The following AKAP7 variants were observed in gnomAD, a reference collection of about 807,000 sequenced individuals.
The protein encoded by AKAP7 is A kinase (PRKA) anchor protein 7.
In AKAP7, 39 loss-of-function variants were observed where a neutral mutation model predicts 39.5. The ratio of observed to expected loss-of-function variants is 0.99; its 90% confidence interval spans 0.76 to 1.29. AKAP7 has a LOEUF of 1.29. Ranked by LOEUF, AKAP7 falls within the 50% of genes most tolerant of loss-of-function variation. The pLI is 0.00. For synonymous variants in AKAP7, 140 were observed against 139.1 expected (o/e 1.01, Z -0.05); for missense variants, 414 against 407.7 (o/e 1.02, Z -0.13).
intron 7 of AKAP7, among the ~76,000 whole-genome samples, chr6:131,264,043 T>C (rs1252099620): frequency 6.6e-6 from 1 of 152,220 alleles, no homozygotes; most frequent in Non-Finnish European, 1.5e-5. Flanking sequence ...TCCTGATTTT[T>C]ACTGAGAGTG....
intron 4 of AKAP7, among the ~76,000 whole-genome samples, chr6:131,168,443 A>G (rs1803711101): frequency 6.6e-6 from 1 of 151,994 alleles, no homozygotes; most frequent in African/African-American, 2.4e-5. Flanking sequence ...AAGGAGACAG[A>G]AAGAGAGAGA....
chr6:131,135,768 A>C lies in AKAP7; in HGVS notation c.5A>C (p.Glu2Ala). 1 of 1,228,838 alleles carries C rather than the reference A, an allele frequency of 8.1e-7. No homozygotes were observed. Among genetic ancestry groups the C allele is most frequent in the Non-Finnish European group, 1.0e-6 (1 of 987,208 alleles). The allele number at this position is 1,228,838 out of a possible 1,614,324, so 76.1% of individuals were successfully genotyped here. A position where few individuals can be genotyped will look rare whatever the true frequency, so the allele number is the denominator to read the frequency against. ...CCGCCCGCATGCGCCGCGACCATGG[A>C]GCGCCCCGAAGCGGGTGAGACCGGG... Reference protein sequence around the residue: MERPEAGGINSN... With the variant: MARPEAGGINSN... The change falls in exon 1 of 8, where the codon GAG (glutamate) becomes GCG (alanine). Residue 2 changes from glutamate (E) to alanine (A), a missense_variant. By Grantham distance (107) the Glu-to-Ala change is moderately radical. Transcript: ENST00000431975.
chr6:131,184,942 A>G, intron 5 of AKAP7: 1 of 808,814 alleles, frequency 1.2e-6, no homozygotes, highest in South Asian at 1.3e-5. Flanking sequence ...TTACCCTTGG[A>G]TTACCCCTTT....
intron 7 of AKAP7, among the ~76,000 whole-genome samples, chr6:131,240,968 G>A (rs1185981982): frequency 2.0e-5 from 3 of 152,172 alleles, no homozygotes; most frequent in Non-Finnish European, 2.9e-5. Flanking sequence ...GATGAACCCA[G>A]TTCCTCAGTT....
At chr6:131,137,883 T>C (rs559354485) in intron 1 of AKAP7, 5 of 152,366 alleles carry the variant, frequency 3.3e-5, no homozygotes, top group African/African-American at 9.6e-5. Flanking sequence ...ACAAGCAGTT[T>C]ATACTGTTTA....
chr6:131,247,296 TA>T, intron 7 of AKAP7, among the ~76,000 whole-genome samples: 2 of 126,354 alleles, frequency 1.6e-5, no homozygotes, highest in South Asian at 2.5e-4. Flanking sequence ...TATATATATA[TA>T]TATATATATA....
intron 5 of AKAP7, 139 bp from the exon 6 acceptor site, chr6:131,199,317 TAAAGA>T: frequency 1.7e-6 from 1 of 601,156 alleles, no homozygotes; most frequent in Non-Finnish European, 2.9e-6. Flanking sequence ...TTCTCTCTTT[TAAAGA>T]AAATATCTGA....
At chr6:131,168,093 T>C (rs1216129333) in intron 4 of AKAP7, among the ~76,000 whole-genome samples, 1 of 152,182 alleles carries the variant, frequency 6.6e-6, no homozygotes, top group Non-Finnish European at 1.5e-5. Context: ...TCCAATTCAA[T>C]AATATTGTAA....
upstream of AKAP7, among the ~76,000 whole-genome samples, chr6:131,131,681 T>C (rs1188247029): frequency 1.3e-5 from 2 of 152,080 alleles, no homozygotes; most frequent in Non-Finnish European, 2.9e-5. Flanking sequence ...CAGAAAAATG[T>C]GGCAAAAGGG....
At chr6:131,184,302 C>T (rs1285477934) in intron 5 of AKAP7, 19 of 571,908 alleles carry the variant, frequency 3.3e-5, no homozygotes, top group African/African-American at 9.8e-5. Context: ...TTAGATATGT[C>T]GGGGAGCAGG....
chr6:131,208,412 T>G (rs996376595), intron 6 of AKAP7, among the ~76,000 whole-genome samples: 11 of 152,268 alleles, frequency 7.2e-5, no homozygotes, highest in Admixed American at 1.3e-4. Context: ...TTCTAGAAAT[T>G]GACTAAAGTC....
At chr6:131,280,360 A>G (rs1207836194) in intron 7 of AKAP7, among the ~76,000 whole-genome samples, 1 of 152,066 alleles carries the variant, frequency 6.6e-6, no homozygotes, top group East Asian at 1.9e-4. Flanking sequence ...ATTAGTCTTG[A>G]TGGGTGTTAC....
At chr6:131,221,555 C>T (rs1371680715) in intron 7 of AKAP7, among the ~76,000 whole-genome samples, 13 of 152,206 alleles carry the variant, frequency 8.5e-5, no homozygotes, top group African/African-American at 3.1e-4. Context: ...CTAGGAGTTT[C>T]ATAGCTACAG....
chr6:131,278,703 T>A (rs1036332395), intron 7 of AKAP7, among the ~76,000 whole-genome samples: 29 of 152,010 alleles, frequency 1.9e-4, no homozygotes, highest in African/African-American at 6.5e-4. Flanking sequence ...CAACCAGATC[T>A]CATGAGAACT....
At chr6:131,274,063 C>T (rs779668436) in intron 7 of AKAP7, among the ~76,000 whole-genome samples, 2 of 148,572 alleles carry the variant, frequency 1.3e-5, no homozygotes, top group Non-Finnish European at 3.0e-5. Context: ...GTTGTCTTTT[C>T]TTCTGCATTG....
chr6:131,171,290 A>G (rs1254168895), intron 5 of AKAP7, among the ~76,000 whole-genome samples: 3 of 152,208 alleles, frequency 2.0e-5, no homozygotes. Context: ...GGCACAGAGT[A>G]TAGCAGGCAC....
chr6:131,185,305 T>G, intron 5 of AKAP7: 1 of 483,824 alleles, frequency 2.1e-6, no homozygotes, highest in Non-Finnish European at 3.9e-6. Context: ...TCCTAGAACC[T>G]GGTTACTTCT....
At chr6:131,238,212 G>C (rs1399413385) in intron 7 of AKAP7, among the ~76,000 whole-genome samples, 1 of 152,198 alleles carries the variant, frequency 6.6e-6, no homozygotes, top group African/African-American at 2.4e-5. Context: ...GTGGTTGAAC[G>C]GTTTTGAGTG....
intron 7 of AKAP7, among the ~76,000 whole-genome samples, chr6:131,228,403 CT>C (rs1009534888): frequency 1.3e-5 from 2 of 151,860 alleles, no homozygotes; most frequent in African/African-American, 4.8e-5. Context: ...GAATGTCTTC[CT>C]TTTTTTTAGT....
Sources: gnomAD v4.1 joint callset for allele counts (sites outside exome capture counted in the v4.1 genomes callset) on GRCh38, gnomAD v4.1.1 for gene constraint, MANE v1.5 for transcripts, NCBI Gene and HGNC (gene_info 2026-07-23, HGNC 2026-07-21) for gene names.